The following GGTA1 variants were observed in gnomAD, a reference collection of about 807,000 sequenced individuals.
GGTA1 encodes inactive N-acetyllactosaminide alpha-1,3-galactosyltransferase.
GGTA1 carries 5 observed loss-of-function variants against 2.6 expected under a neutral mutation model. The observed-to-expected ratio is 1.92, with a 90% confidence interval of 1.00 to 4.04. The LOEUF (loss-of-function observed/expected upper bound fraction) is 4.04, where lower values mean the gene tolerates loss of function less well. GGTA1 is among the 30% of genes most tolerant of loss of function. The pLI is 0.00. For synonymous variants in GGTA1, 17 were observed against 5.0 expected (o/e 3.38, Z -3.19); for missense variants, 50 against 16.7 (o/e 2.99, Z -3.47).
At chr9:121,487,278 G>A (rs980686959) in intron 1 of GGTA1, among the ~76,000 whole-genome samples, 3 of 152,052 alleles carry the variant, frequency 2.0e-5, no homozygotes, top group Non-Finnish European at 2.9e-5. Context: ...TGAGCCTCAC[G>A]AGTTAAAGAT....
At chr9:121,445,504 C>T (rs902412798) in exon 8 of GGTA1, 3 of 152,038 alleles carry the variant, frequency 2.0e-5, no homozygotes, top group Non-Finnish European at 2.9e-5. Context: ...AACAAATGAC[C>T]GAGACTGGAA....
chr9:121,473,196 T>C (rs1828429259), intron 1 of GGTA1, among the ~76,000 whole-genome samples: 1 of 151,646 alleles, frequency 6.6e-6, no homozygotes, highest in Non-Finnish European at 1.5e-5. Context: ...GGCACATGCC[T>C]GTAATACCGG....
intron 1 of GGTA1, among the ~76,000 whole-genome samples, chr9:121,478,032 T>TA (rs1381946603): frequency 6.6e-6 from 1 of 152,096 alleles, no homozygotes; most frequent in East Asian, 1.9e-4. Flanking sequence ...CCAGTGAAGT[T>TA]ACTCTATTAT....
At chr9:121,468,597 T>C (rs964247815) in intron 1 of GGTA1, among the ~76,000 whole-genome samples, 1 of 152,224 alleles carries the variant, frequency 6.6e-6, no homozygotes, top group Admixed American at 6.5e-5. Context: ...ATCGCCACAC[T>C]GTCTTCCACA....
intron 1 of GGTA1, among the ~76,000 whole-genome samples, chr9:121,469,172 A>G (rs1828326030): frequency 1.3e-5 from 2 of 152,308 alleles, no homozygotes; most frequent in East Asian, 3.9e-4. Context: ...AAGTACTTTA[A>G]TGTGGGTGAT....
At chr9:121,461,338 C>T (rs2064959497) in intron 3 of GGTA1, 21 bp from the exon 4 acceptor site, 1 of 453,438 alleles carries the variant, frequency 2.2e-6, no homozygotes, top group Non-Finnish European at 4.4e-6. Context: ...AAAAAGTTTA[C>T]AAATATTTTT....
chr9:121,488,824 G>A (rs1455151065), intron 1 of GGTA1, among the ~76,000 whole-genome samples: 9 of 152,178 alleles, frequency 5.9e-5, no homozygotes, highest in African/African-American at 2.2e-4. Flanking sequence ...CAGGAGAATC[G>A]CTTGAACCCA....
intron 1 of GGTA1, among the ~76,000 whole-genome samples, chr9:121,478,564 C>T (rs871669): frequency 0.23 from 34,710 of 152,084 alleles, 4,518 homozygotes; most frequent in Middle Eastern, 0.3. Flanking sequence ...GCTGGTGGGT[C>T]TTACAAGGAA....
intron 3 of GGTA1, among the ~76,000 whole-genome samples, chr9:121,461,763 A>C (rs1212214624): frequency 6.6e-6 from 1 of 152,248 alleles, no homozygotes; most frequent in Non-Finnish European, 1.5e-5. Context: ...AATAGCATAC[A>C]TATAAGAGCT....
rs184743074 is a variant in GGTA1, at chr9:121,496,770, T to G, written c.-10+2880A>C. Among the ~76,000 whole-genome samples, 8 of 96,018 alleles carry G rather than the reference T, an allele frequency of 8.3e-5. No homozygotes were observed. The East Asian group carries it at 1.4e-3, about 17-fold the overall frequency. The allele number at this position is 96,018 out of a possible 152,430, so 63.0% of individuals were successfully genotyped here. A position where few individuals can be genotyped will look rare whatever the true frequency, so the allele number is the denominator to read the frequency against. On this transcript the variant is annotated intron_variant, in intron 1 of 5. Transcript: ENST00000481799. ...AAAAAAAAAAAAAAGAGAGAGAGAA[T>G]CGCTTGAATGAACCTAGGGGGCAGA...
At chr9:121,472,138 T>G (rs1828401132) in intron 1 of GGTA1, among the ~76,000 whole-genome samples, 1 of 152,216 alleles carries the variant, frequency 6.6e-6, no homozygotes, top group Non-Finnish European at 1.5e-5. Flanking sequence ...CCATTTATAA[T>G]CTTTATCCCA....
intron 1 of GGTA1, among the ~76,000 whole-genome samples, chr9:121,472,711 C>T (rs1828417789): frequency 2.0e-5 from 3 of 152,242 alleles, no homozygotes; most frequent in Non-Finnish European, 2.9e-5. Context: ...CTATGTGTGC[C>T]GAGGAGGCAA....
Position 121,446,931 on chromosome 9 carries a change from T to C in GGTA1, c.*785A>G, listed in dbSNP as rs528827938. 3 of 152,384 alleles carry C rather than the reference T, an allele frequency of 2.0e-5. No individual in the cohort carries two copies. In the South Asian group the frequency reaches 6.2e-4, roughly 32 times the overall value. The allele number at this position is 152,384 out of a possible 1,614,324, so 9.4% of individuals were successfully genotyped here. ...TCAGACATTATTTCTAACCAAATTA[T>C]ACTCTTTTGTCTGCCACGATCACTT... On this transcript the variant is annotated 3_prime_UTR_variant and NMD_transcript_variant, in exon 8 of 8. Transcript: ENST00000481534.
At chr9:121,462,846 GT>G (rs1212021503) in intron 3 of GGTA1, 1 of 155,042 alleles carries the variant, frequency 6.4e-6, no homozygotes, top group Admixed American at 6.5e-5. Context: ...AAATATAAAG[GT>G]TTACATGGCT....
downstream of GGTA1, chr9:121,451,876 C>T (rs1226203963): frequency 1.3e-5 from 2 of 152,230 alleles, no homozygotes; most frequent in Non-Finnish European, 2.9e-5. Context: ...GCTGTTGACC[C>T]TGGGCTTGGT....
intron 1 of GGTA1, among the ~76,000 whole-genome samples, chr9:121,490,584 G>A (rs1409267787): frequency 1.3e-5 from 2 of 152,202 alleles, no homozygotes; most frequent in Admixed American, 1.3e-4. Context: ...CTTACACCTG[G>A]AATGCAGGAC....
chr9:121,492,601 A>T (rs1484490209), intron 1 of GGTA1, among the ~76,000 whole-genome samples: 1 of 151,838 alleles, frequency 6.6e-6, no homozygotes, highest in African/African-American at 2.4e-5. Flanking sequence ...AGCCTCCCTC[A>T]TAGCTGGGAT....
At chr9:121,485,975 AC>A (rs1253172648) in intron 1 of GGTA1, among the ~76,000 whole-genome samples, 1 of 152,182 alleles carries the variant, frequency 6.6e-6, no homozygotes, top group Non-Finnish European at 1.5e-5. Flanking sequence ...TCCTGCGCAC[AC>A]CATGAACTAG....
chr9:121,485,782 A>G (rs1239155825), intron 1 of GGTA1, among the ~76,000 whole-genome samples: 1 of 152,126 alleles, frequency 6.6e-6, no homozygotes, highest in African/African-American at 2.4e-5. Flanking sequence ...AGGCTCAAAG[A>G]AGGAGGGAAG....
Sources: gnomAD v4.1 joint callset for allele counts (sites outside exome capture counted in the v4.1 genomes callset) on GRCh38, gnomAD v4.1.1 for gene constraint, MANE v1.5 for transcripts, NCBI Gene and HGNC (gene_info 2026-07-23, HGNC 2026-07-21) for gene names.